Variants in GRM5 observed in about 807,000 individuals in gnomAD.
The protein encoded by GRM5 is glutamate metabotropic receptor 5.
Under a neutral mutation model 83.1 loss-of-function variants are expected in GRM5, and 19 were observed. That is an observed-to-expected ratio of 0.23 (90% CI 0.16 to 0.34). The LOEUF is 0.34. Ranked by LOEUF, GRM5 falls within the 10% of genes least tolerant of loss-of-function variation. The pLI is 1.00. For missense variants in GRM5, 1,160 were observed against 1,588.3 expected, an observed-to-expected ratio of 0.73 and a Z score of 4.58; for synonymous variants, 675 against 633.6, an observed-to-expected ratio of 1.07 and a Z score of -0.98.
At chr11:88,694,490 G>A (rs1940855999) in intron 3 of GRM5, among the ~76,000 whole-genome samples, 1 of 152,000 alleles carries the variant, frequency 6.6e-6, no homozygotes, top group African/African-American at 2.4e-5. Context: ...TACCAAAGGG[G>A]AATACAGGTG....
At chr11:88,715,522 A>G (rs1017365172) in intron 3 of GRM5, among the ~76,000 whole-genome samples, 2 of 151,974 alleles carry the variant, frequency 1.3e-5, no homozygotes, top group African/African-American at 4.8e-5. Context: ...ACCTCCCTGG[A>G]TTATTCTACA....
At chr11:88,742,951 T>C (rs1942058875) in intron 3 of GRM5, among the ~76,000 whole-genome samples, 1 of 152,140 alleles carries the variant, frequency 6.6e-6, no homozygotes, top group Non-Finnish European at 1.5e-5. Context: ...CTCCTCTTCA[T>C]GCAGAAATGG....
intron 2 of GRM5, among the ~76,000 whole-genome samples, chr11:88,852,070 T>G (rs1179931939): frequency 6.6e-6 from 1 of 152,226 alleles, no homozygotes; most frequent in Non-Finnish European, 1.5e-5. Flanking sequence ...GCATAAATAA[T>G]TTGAAATTAG....
At chr11:88,544,186 G>A (rs1426159079) in intron 8 of GRM5, among the ~76,000 whole-genome samples, 1 of 152,098 alleles carries the variant, frequency 6.6e-6, no homozygotes, top group Non-Finnish European at 1.5e-5. Flanking sequence ...CTTCAGAACT[G>A]AGAAATAAAT....
intron 8 of GRM5, 100 bp downstream of exon 8, chr11:88,566,953 T>G: frequency 1.3e-6 from 1 of 750,694 alleles, no homozygotes; most frequent in Non-Finnish European, 2.2e-6. Context: ...CTCACATGGT[T>G]TCATTTACCC....
At chr11:88,962,349 A>G (rs508952) in intron 2 of GRM5, among the ~76,000 whole-genome samples, 145,270 of 152,068 alleles carry the variant, frequency 0.96, 69,751 homozygotes, top group East Asian at 1. Context: ...CAATTCTTCC[A>G]TTCACTTACC....
rs759627155 is a variant in GRM5, at chr11:88,509,330, TGCGCCA to T, written c.2895_2900del (p.Ala967_Gly968del). 3 of 1,598,930 alleles carry T rather than the reference TGCGCCA, an allele frequency of 1.9e-6. No homozygotes were observed. The highest frequency in any genetic ancestry group is 1.1e-5 in the South Asian group (1 of 89,758). On this transcript the variant is annotated inframe_deletion, in exon 10 of 10. Transcript: ENST00000305447. ...CCCCCACGCCCCCAGCGCTCCCGCC[TGCGCCA>T]GCGCCAGCGCCCAGGCCACGGCTCT...
At chr11:88,818,892 G>A (rs1449548521) in intron 3 of GRM5, among the ~76,000 whole-genome samples, 1 of 152,142 alleles carries the variant, frequency 6.6e-6, no homozygotes, top group Non-Finnish European at 1.5e-5. Context: ...AACCCCCAAA[G>A]TCATTGAATC....
At chr11:88,818,867 G>T (rs188956085) in intron 3 of GRM5, among the ~76,000 whole-genome samples, 1 of 152,282 alleles carries the variant, frequency 6.6e-6, no homozygotes, top group Admixed American at 6.5e-5. Flanking sequence ...TCAAAAAGTT[G>T]TTATGGTTGG....
intron 2 of GRM5, among the ~76,000 whole-genome samples, chr11:89,011,311 T>C (rs1252569521): frequency 6.6e-6 from 1 of 152,188 alleles, no homozygotes; most frequent in South Asian, 2.1e-4. Flanking sequence ...AATTTGAATT[T>C]TTTTGATGGT....
At chr11:88,856,728 A>T (rs1031209660) in intron 2 of GRM5, among the ~76,000 whole-genome samples, 33 of 152,056 alleles carry the variant, frequency 2.2e-4, no homozygotes, top group African/African-American at 7.5e-4. Context: ...CATCACCACA[A>T]ACACATGTGT....
chr11:89,031,616 T>C (rs1386385909), intron 2 of GRM5, among the ~76,000 whole-genome samples: 1 of 151,972 alleles, frequency 6.6e-6, no homozygotes, highest in Non-Finnish European at 1.5e-5. Flanking sequence ...AAACATCCAA[T>C]ATTATGTATA....
intron 3 of GRM5, among the ~76,000 whole-genome samples, chr11:88,780,629 T>G (rs922815128): frequency 6.6e-6 from 1 of 152,172 alleles, no homozygotes; most frequent in Non-Finnish European, 1.5e-5. Flanking sequence ...AAAATGTCCA[T>G]GAAAGTTGGC....
At position 88,509,402 on chromosome 11, in the gene GRM5, G is replaced by A. The variant is rs1941299507; in HGVS notation, c.2829C>T (p.Pro943=). ...AGGGCTTGATGACGGCCGTTTGGTT[G>A]GGGTTTTCTTTCTTGTTGATGTGGA... ...LSIHINKKEN[P]NQTAVIKPFP... The change falls in exon 10 of 10, where the codon CCC becomes CCT. Residue 943 remains proline, a synonymous_variant. Coordinates refer to ENST00000305447, the MANE Select transcript of GRM5 (RefSeq NM_001143831.3). The A allele has an allele frequency of 6.2e-7, 1 of 1,612,786 alleles. No homozygotes were observed. The highest frequency in any genetic ancestry group is 1.3e-5 in the African/African-American group (1 of 74,924).
intron 2 of GRM5, among the ~76,000 whole-genome samples, chr11:88,938,213 G>A (rs1296191390): frequency 6.6e-6 from 1 of 151,628 alleles, no homozygotes; most frequent in Non-Finnish European, 1.5e-5. Flanking sequence ...AAAGCTGGGA[G>A]GAACCAAATA....
intron 2 of GRM5, among the ~76,000 whole-genome samples, chr11:88,872,653 C>A (rs1278465945): frequency 1.3e-5 from 2 of 151,128 alleles, no homozygotes; most frequent in African/African-American, 4.8e-5. Flanking sequence ...ACCACCCCTT[C>A]CTCACCCTGG....
intron 2 of GRM5, among the ~76,000 whole-genome samples, chr11:89,007,400 A>C (rs907831149): frequency 1.3e-5 from 2 of 152,182 alleles, no homozygotes; most frequent in African/African-American, 2.4e-5. Flanking sequence ...TTTTGAGTGG[A>C]GGAATAGATG....
Position 89,064,874 on chromosome 11 carries a change from CTCTCTCTCTCTCTCTG to C in GRM5, c.-201+886_-201+901del, listed in dbSNP as rs1392936758. Among the ~76,000 whole-genome samples the C allele has an allele frequency of 7.2e-3, 324 of 45,020 alleles. 1 individual carries two copies. Among genetic ancestry groups the C allele is most frequent in the African/African-American group, 0.024 (302 of 12,658 alleles). 29.5% of individuals were successfully genotyped at this position (45,020 alleles called of 152,430 possible). On this transcript the variant is annotated intron_variant, in intron 1 of 9. Transcript: ENST00000305447. ...TCATATTCTCTCTCTCTCTCTCTCTCTCTCTCTCTCTCTCTGTGTGTGTGTGTGTGTGTGTGTGTGT... is the reference window on the plus strand; with the variant it reads ...TCATATTCTCTCTCTCTCTCTCTCTCTGTGTGTGTGTGTGTGTGTGTGTGT...
chr11:88,738,050 G>T (rs987568504), intron 3 of GRM5, among the ~76,000 whole-genome samples: 2 of 122,006 alleles, frequency 1.6e-5, no homozygotes, highest in Non-Finnish European at 1.7e-5. Context: ...TAAAATTCAT[G>T]TATTCAGAGA....
Sources: allele counts gnomAD v4.1 joint callset (sites outside exome capture counted in the v4.1 genomes callset), GRCh38; gene constraint gnomAD v4.1.1; transcripts MANE v1.5; gene names NCBI Gene and HGNC (gene_info 2026-07-23, HGNC 2026-07-21).